The following EGFL6 variants were observed in gnomAD, a reference collection of about 807,000 sequenced individuals.
EGFL6 encodes EGF like domain multiple 6, also known as epidermal growth factor-like protein 6.
A neutral mutation model predicts 43.1 loss-of-function variants in EGFL6; 42 were observed. The ratio of observed to expected loss-of-function variants is 0.98; its 90% CI spans 0.76 to 1.26. The LOEUF (loss-of-function observed/expected upper bound fraction) is 1.26, where lower values mean the gene tolerates loss of function less well. Among genes scored for constraint, EGFL6 ranks in the 50% most tolerant of loss-of-function variants. The pLI, the probability that EGFL6 is intolerant of heterozygous loss-of-function variation, is 0.00. For missense variants in EGFL6, 429 were observed against 427.8 expected (o/e 1.00, Z -0.02); for synonymous variants, 164 against 163.2 (o/e 1.01, Z -0.04).
At chrX:13,576,615 C>T (rs2045472714) in intron 1 of EGFL6, among the ~76,000 whole-genome samples, 1 of 111,594 alleles carries the variant, frequency 9.0e-6, no homozygotes, top group Non-Finnish European at 1.9e-5. Flanking sequence ...GAAGTGAAGG[C>T]TGGGAAATGT....
At chrX:13,598,273 G>C (rs776743607) in intron 3 of EGFL6, among the ~76,000 whole-genome samples, 1 of 112,262 alleles carries the variant, frequency 8.9e-6, no homozygotes, top group East Asian at 2.8e-4. Flanking sequence ...GTGGAGAAGA[G>C]GGTTTCAAAT....
intron 1 of EGFL6, among the ~76,000 whole-genome samples, chrX:13,587,859 A>C (rs1434159859): frequency 8.9e-6 from 1 of 112,174 alleles, no homozygotes; most frequent in East Asian, 2.8e-4. Flanking sequence ...TAGCAAATGC[A>C]CAATAAATGT....
intron 9 of EGFL6, among the ~76,000 whole-genome samples, chrX:13,623,228 C>G (rs1215308202): frequency 9.2e-6 from 1 of 108,246 alleles, no homozygotes; most frequent in Non-Finnish European, 1.9e-5. Context: ...CCGGCAAGGT[C>G]TTCACTGGTT....
intron 6 of EGFL6, 40 bp from the exon 7 acceptor site, chrX:13,608,284 T>C (rs2370236): frequency 0.086 from 103,463 of 1,201,725 alleles, 6,208 homozygotes; most frequent in African/African-American, 0.42. Context: ...TTCAGCAAGC[T>C]CTGTACCACA....
intron 5 of EGFL6, among the ~76,000 whole-genome samples, chrX:13,604,548 A>G (rs904242162): frequency 1.8e-5 from 2 of 111,759 alleles, no homozygotes; most frequent in Non-Finnish European, 3.8e-5. Context: ...TGGAAACTTG[A>G]GTGCTGAGGA....
chrX:13,620,729 G>T (rs1398043150), intron 9 of EGFL6, among the ~76,000 whole-genome samples: 1 of 111,367 alleles, frequency 9.0e-6, no homozygotes, highest in Non-Finnish European at 1.9e-5. Context: ...TCATTGTACA[G>T]GGGGTAAGCT....
rs761478873 is a variant in EGFL6, at chrX:13,608,456, A to T, written c.778+10A>T. On this transcript the variant is annotated intron_variant, in intron 7 of 11. Transcript: ENST00000361306. ...GGACTTCGGTGTTCTGGTAAGTAGC[A>T]TTTGGTCATGGTGTCTTAGCTATTC... 1 of 1,208,926 alleles carries T rather than the reference A, an allele frequency of 8.3e-7. No individual in the cohort carries two copies. Among genetic ancestry groups the T allele is most frequent in the African/African-American group, 1.7e-5 (1 of 57,798 alleles).
chrX:13,614,749 ATTT>A (rs144356394), intron 7 of EGFL6, among the ~76,000 whole-genome samples: 7 of 94,370 alleles, frequency 7.4e-5, no homozygotes, highest in African/African-American at 1.6e-4. Context: ...CTCCCTCCAT[ATTT>A]TTTTTTTTTT....
chrX:13,609,708 C>G (rs766687776), intron 7 of EGFL6, among the ~76,000 whole-genome samples: 1 of 111,108 alleles, frequency 9.0e-6, no homozygotes, highest in Non-Finnish European at 1.9e-5. Context: ...GAGCCGAGAT[C>G]GCACCACTGC....
chrX:13,570,104 G>A (rs2045432251), intron 1 of EGFL6, among the ~76,000 whole-genome samples, 169 bp downstream of exon 1: 1 of 112,587 alleles, frequency 8.9e-6, no homozygotes, highest in Admixed American at 9.3e-5. Flanking sequence ...GCGCCCACGG[G>A]CTTTCCTCCC....
In EGFL6 at chrX:13,602,820, G is replaced by A. The variant is rs140247812; in HGVS notation, c.401-497G>A. On this transcript the variant is annotated intron_variant, in intron 4 of 11. Coordinates refer to ENST00000361306, the MANE Select transcript of EGFL6 (RefSeq NM_015507.4). ...AGAATGGCTTTCAGATAGCTGATCA[G>A]CTATATCTGCCACACGTTTTAGTTC... Among the ~76,000 whole-genome samples the A allele has an allele frequency of 4.6e-3, 515 of 112,238 alleles. 7 individuals carry two copies. Among genetic ancestry groups the A allele is most frequent in the Admixed American group, 0.031 (330 of 10,589 alleles).
At chrX:13,607,606 C>A in intron 6 of EGFL6, among the ~76,000 whole-genome samples, 1 of 111,817 alleles carries the variant, frequency 8.9e-6, no homozygotes, top group Middle Eastern at 4.6e-3. Flanking sequence ...TTCCTGATAC[C>A]TAAGGGGAGG....
At chrX:13,577,259 G>T (rs1450788280) in intron 1 of EGFL6, among the ~76,000 whole-genome samples, 3 of 101,883 alleles carry the variant, frequency 2.9e-5, no homozygotes, top group Non-Finnish European at 5.9e-5. Context: ...ACCAAGGAAG[G>T]GGGATGGAGA....
Position 13,593,053 on chromosome X carries a change from T to TA in EGFL6, c.188-1782dup, listed in dbSNP as rs775456719. Among the ~76,000 whole-genome samples, 101 of 109,152 alleles carry TA rather than the reference T, an allele frequency of 9.3e-4. 3 individuals are homozygous for TA. The South Asian group carries it at 0.023, about 24-fold the overall frequency. The allele number at this position is 109,152 out of a possible 115,157, so 94.8% of individuals were successfully genotyped here. On this transcript the variant is annotated intron_variant, in intron 2 of 11. Transcript: ENST00000361306. The stretch of plus-strand genomic sequence containing the variant: ...CCTCAGTCTCCCAAGTAGCTAGGAT[T>TA]ACAGGTGCCCGCCACCACGCCTGGC...
chrX:13,601,088 T>G (rs2045631938), intron 4 of EGFL6, among the ~76,000 whole-genome samples: 1 of 111,427 alleles, frequency 9.0e-6, no homozygotes. Flanking sequence ...TATATCTATA[T>G]CTGCATCTAT....
chrX:13,579,311 T>A (rs764453088), intron 1 of EGFL6, among the ~76,000 whole-genome samples: 1 of 111,423 alleles, frequency 9.0e-6, no homozygotes, highest in Non-Finnish European at 1.9e-5. Context: ...TTGGTTCTCA[T>A]CATTTAGCTC....
intron 2 of EGFL6, among the ~76,000 whole-genome samples, chrX:13,592,702 A>G (rs1229369448): frequency 3.6e-5 from 4 of 110,124 alleles, no homozygotes; most frequent in Admixed American, 1.9e-4. Flanking sequence ...GGCTTTTAGA[A>G]GAAGGGGCCA....
chrX:13,621,132 C>T (rs150416715), intron 9 of EGFL6, among the ~76,000 whole-genome samples: 1 of 112,424 alleles, frequency 8.9e-6, no homozygotes, highest in Non-Finnish European at 1.9e-5. Context: ...AAATAGACCC[C>T]AAGATAAGAA....
At chrX:13,618,092 G>A (rs1160245755) in intron 8 of EGFL6, 39 bp downstream of exon 8, 7 of 1,123,866 alleles carry the variant, frequency 6.2e-6, no homozygotes, top group Non-Finnish European at 8.3e-6. Flanking sequence ...TATGAAAAAT[G>A]AATTGCAATT....
Sources: allele counts gnomAD v4.1 joint callset (sites outside exome capture counted in the v4.1 genomes callset), GRCh38; gene constraint gnomAD v4.1.1; transcripts MANE v1.5; gene names NCBI Gene and HGNC (gene_info 2026-07-23, HGNC 2026-07-21).